Variants in KCNU1 observed in about 807,000 individuals in gnomAD.
The protein encoded by KCNU1 is potassium channel subfamily U member 1.
Under a neutral mutation model 126.8 loss-of-function variants are expected in KCNU1, and 93 were observed. The observed-to-expected ratio is 0.73, with a 90% confidence interval of 0.62 to 0.87. The LOEUF (loss-of-function observed/expected upper bound fraction) is 0.87. Among genes scored for constraint, KCNU1 ranks in the 40% least tolerant of loss-of-function variants. The pLI is 0.00. For synonymous variants in KCNU1, 523 were observed against 494.2 expected, an observed-to-expected ratio of 1.06 and a Z score of -0.77; for missense variants, 1,330 against 1,367.1, an observed-to-expected ratio of 0.97 and a Z score of 0.43.
At chr8:36,866,341 T>A (rs1409019103) in intron 19 of KCNU1, among the ~76,000 whole-genome samples, 1 of 152,164 alleles carries the variant, frequency 6.6e-6, no homozygotes, top group Non-Finnish European at 1.5e-5. Flanking sequence ...TCCTGTACCC[T>A]CCCAAAGGTG....
intron 10 of KCNU1, among the ~76,000 whole-genome samples, chr8:36,823,715 C>T (rs1213553200): frequency 6.6e-6 from 1 of 151,054 alleles, no homozygotes; most frequent in Non-Finnish European, 1.5e-5. Flanking sequence ...ACAATAGGAA[C>T]AAAAGTTGAG....
At chr8:36,855,841 T>A (rs545518787) in intron 18 of KCNU1, among the ~76,000 whole-genome samples, 309 of 152,284 alleles carry the variant, frequency 2.0e-3, no homozygotes, top group African/African-American at 7.1e-3. Context: ...GGCAGTTTAT[T>A]TCAGCACTTT....
chr8:36,912,385 A>G (rs1421131382), intron 22 of KCNU1, among the ~76,000 whole-genome samples: 1 of 152,200 alleles, frequency 6.6e-6, no homozygotes, highest in East Asian at 1.9e-4. Context: ...CTAAGCAACC[A>G]ATCCTGACCC....
At chr8:36,799,619 C>T (rs1178603826) in intron 2 of KCNU1, among the ~76,000 whole-genome samples, 7 of 151,798 alleles carry the variant, frequency 4.6e-5, no homozygotes, top group Non-Finnish European at 1.0e-4. Context: ...TCTGCAACCT[C>T]TGCCTCCCGG....
In KCNU1 at chr8:36,841,008, C is replaced by A; in HGVS notation, c.1703+5C>A. 3 of 1,382,020 alleles carry A rather than the reference C, an allele frequency of 2.2e-6. No homozygotes were observed. Among genetic ancestry groups the A allele is most frequent in the Non-Finnish European group, 3.1e-6 (3 of 969,086 alleles). The allele number at this position is 1,382,020 out of a possible 1,614,324, so 85.6% of individuals were successfully genotyped here. A position where few individuals can be genotyped will look rare whatever the true frequency, so the allele number is the denominator to read the frequency against. On this transcript the variant is annotated splice_donor_5th_base_variant and intron_variant, in intron 16 of 26. Coordinates refer to ENST00000399881, the MANE Select transcript of KCNU1 (RefSeq NM_001031836.3). Reference sequence around the variant, plus strand: ...CCTCTTTACGGATGGTTTCTGGTACCAATAAGTCTGCTCATCTCTTCAGTT... The same window carrying A: ...CCTCTTTACGGATGGTTTCTGGTACAAATAAGTCTGCTCATCTCTTCAGTT...
At chr8:36,880,366 A>G (rs1322973555) in intron 19 of KCNU1, among the ~76,000 whole-genome samples, 2 of 152,094 alleles carry the variant, frequency 1.3e-5, no homozygotes, top group Non-Finnish European at 2.9e-5. Context: ...ATCCAGTGGT[A>G]TTTGTTACCA....
chr8:36,926,511 T>G (rs1312180541), intron 24 of KCNU1, among the ~76,000 whole-genome samples: 2 of 152,044 alleles, frequency 1.3e-5, no homozygotes, highest in African/African-American at 4.8e-5. Flanking sequence ...ACAAGAGACG[T>G]CTGTTGTTAA....
Position 36,898,692 on chromosome 8 carries a change from G to A in KCNU1, c.2010-7016G>A, listed in dbSNP as rs568302721. ...TTCAGGTCCTTGTCCAATACACAAA[G>A]AAAACCTTATGCCAACAACTGTCTA... On this transcript the variant is annotated intron_variant, in intron 19 of 26. Transcript: ENST00000399881. 4.6e-5 allele frequency among the ~76,000 whole-genome samples: 7 copies of A among 152,190 alleles called. No individual in the cohort carries two copies. The South Asian group carries it at 1.4e-3, about 31-fold the overall frequency.
At chr8:36,918,024 C>T (rs1316093542) in intron 22 of KCNU1, among the ~76,000 whole-genome samples, 1 of 152,188 alleles carries the variant, frequency 6.6e-6, no homozygotes, top group African/African-American at 2.4e-5. Context: ...CCAGCAGCCA[C>T]TTGCAATGTG....
chr8:36,917,747 A>G (rs997054074), intron 22 of KCNU1, among the ~76,000 whole-genome samples: 9 of 152,154 alleles, frequency 5.9e-5, no homozygotes, highest in African/African-American at 2.2e-4. Flanking sequence ...ACCACATGAT[A>G]AAGCTGTATC....
intron 14 of KCNU1, among the ~76,000 whole-genome samples, chr8:36,838,704 C>A (rs895127316): frequency 2.0e-5 from 3 of 151,892 alleles, no homozygotes; most frequent in East Asian, 1.9e-4. Flanking sequence ...CTCAAAAAAA[C>A]CAATAAATGA....
chr8:36,862,839 A>T (rs904556263), intron 18 of KCNU1, among the ~76,000 whole-genome samples: 1 of 152,142 alleles, frequency 6.6e-6, no homozygotes, highest in Non-Finnish European at 1.5e-5. Context: ...TAGTTCGGGC[A>T]TGTTGTCTTA....
At chr8:36,886,684 T>A (rs191096208) in intron 19 of KCNU1, among the ~76,000 whole-genome samples, 1 of 152,140 alleles carries the variant, frequency 6.6e-6, no homozygotes, top group Admixed American at 6.6e-5. Flanking sequence ...GTACAAGTGG[T>A]TTTTTGGTTA....
At chr8:36,854,184 G>T (rs904821109) in intron 18 of KCNU1, among the ~76,000 whole-genome samples, 1 of 152,074 alleles carries the variant, frequency 6.6e-6, no homozygotes, top group African/African-American at 2.4e-5. Context: ...ATTATGACAG[G>T]TCTCCATGTG....
chr8:36,878,283 G>A (rs1806344930), intron 19 of KCNU1, among the ~76,000 whole-genome samples: 1 of 152,158 alleles, frequency 6.6e-6, no homozygotes, highest in African/African-American at 2.4e-5. Flanking sequence ...GGGAGAAAGT[G>A]ATGTTGGCCT....
chr8:36,794,031 G>T (rs1047181383), intron 2 of KCNU1, among the ~76,000 whole-genome samples: 1 of 146,536 alleles, frequency 6.8e-6, no homozygotes, highest in Non-Finnish European at 1.5e-5. Flanking sequence ...TCCAGCCTGG[G>T]TGACAGAGCG....
intron 16 of KCNU1, 113 bp downstream of exon 16, chr8:36,841,116 C>T (rs1804942582): frequency 2.8e-6 from 2 of 709,700 alleles, no homozygotes; most frequent in Non-Finnish European, 2.3e-6. Context: ...TAAGCTTTTT[C>T]CCTTTGGTGG....
chr8:36,891,975 G>A (rs1806980243), intron 19 of KCNU1, among the ~76,000 whole-genome samples: 1 of 151,952 alleles, frequency 6.6e-6, no homozygotes, highest in Admixed American at 6.6e-5. Flanking sequence ...ACTTCCTTTA[G>A]CTGCTTAGAT....
chr8:36,859,810 TGAAA>T (rs1335693082), intron 18 of KCNU1, among the ~76,000 whole-genome samples: 30 of 152,200 alleles, frequency 2.0e-4, no homozygotes, highest in Non-Finnish European at 1.2e-4. Flanking sequence ...CAGAGTTTTT[TGAAA>T]TGTTGACAAT....
Sources: allele counts gnomAD v4.1 joint callset (sites outside exome capture counted in the v4.1 genomes callset), GRCh38; gene constraint gnomAD v4.1.1; transcripts MANE v1.5; gene names NCBI Gene and HGNC (gene_info 2026-07-23, HGNC 2026-07-21).